The following CDH13 variants were observed in gnomAD, a reference collection of about 807,000 sequenced individuals.
CDH13 encodes the protein cadherin 13.
Under a neutral mutation model 63.8 loss-of-function variants are expected in CDH13, and 24 were observed. That is an observed-to-expected ratio of 0.38 (90% CI 0.27 to 0.53). The LOEUF is 0.53. Among genes scored for constraint, CDH13 ranks in the 20% least tolerant of loss-of-function variants. The pLI, the probability that CDH13 is intolerant of heterozygous loss-of-function variation, is 0.85. For missense variants in CDH13, 1,049 were observed against 903.1 expected (o/e 1.16, Z -2.07); for synonymous variants, 503 against 355.3 (o/e 1.42, Z -4.67).
At chr16:83,474,979 C>T (rs998475702) in intron 6 of CDH13, among the ~76,000 whole-genome samples, 12 of 152,260 alleles carry the variant, frequency 7.9e-5, no homozygotes, top group Non-Finnish European at 1.5e-4. Context: ...TGAGTATAGG[C>T]ACTGAGGCCG....
intron 1 of CDH13, among the ~76,000 whole-genome samples, chr16:82,673,739 C>T (rs1475087774): frequency 2.0e-5 from 3 of 152,148 alleles, no homozygotes; most frequent in South Asian, 2.1e-4. Flanking sequence ...GCAGAGTGTT[C>T]ACATTAGAGT....
chr16:83,432,801 G>A (rs1350817825), intron 6 of CDH13, among the ~76,000 whole-genome samples: 1 of 152,190 alleles, frequency 6.6e-6, no homozygotes, highest in Non-Finnish European at 1.5e-5. Flanking sequence ...TGATCAGGAA[G>A]TGCAAACAGG....
chr16:83,108,060 A>G (rs2034867800), intron 3 of CDH13, among the ~76,000 whole-genome samples: 1 of 152,064 alleles, frequency 6.6e-6, no homozygotes, highest in South Asian at 2.1e-4. Flanking sequence ...TGACCTCGTG[A>G]TCCACCCACC....
chr16:83,442,140 A>T (rs751534143), intron 6 of CDH13, among the ~76,000 whole-genome samples: 10 of 152,210 alleles, frequency 6.6e-5, no homozygotes, highest in Admixed American at 3.3e-4. Context: ...TGCTCCTCCA[A>T]TGCCACCTGC....
chr16:82,939,452 A>AGAGGGAGGGAGAGGGAGAGAGGGAGG (rs2042765547), intron 2 of CDH13, among the ~76,000 whole-genome samples: 1 of 126,776 alleles, frequency 7.9e-6, no homozygotes, highest in Non-Finnish European at 1.6e-5. Context: ...GGAGCAAGGG[A>AGAGGGAGGGAGAGGGAGAGAGGGAGG]GAGGGAGGGA....
chr16:83,677,728 G>C (rs980378015), intron 9 of CDH13, among the ~76,000 whole-genome samples: 1 of 152,108 alleles, frequency 6.6e-6, no homozygotes, highest in African/African-American at 2.4e-5. Context: ...GGGTTATCTT[G>C]CTATAAAGCT....
intron 1 of CDH13, among the ~76,000 whole-genome samples, chr16:82,692,583 G>T (rs1161336195): frequency 6.6e-6 from 1 of 152,194 alleles, no homozygotes; most frequent in East Asian, 1.9e-4. Flanking sequence ...TGACATGTGA[G>T]AATTATGGGA....
At chr16:83,242,024 G>A (rs1052781940) in intron 5 of CDH13, among the ~76,000 whole-genome samples, 9 of 152,150 alleles carry the variant, frequency 5.9e-5, no homozygotes, top group Non-Finnish European at 1.3e-4. Context: ...ACGGCATGAG[G>A]TAAGGGTCTA....
intron 6 of CDH13, among the ~76,000 whole-genome samples, chr16:83,447,205 A>G (rs1177771146): frequency 5.1e-5 from 7 of 138,602 alleles, no homozygotes; most frequent in African/African-American, 1.9e-4. Context: ...ACCTGAGGTC[A>G]GGAGTTCGAG....
chr16:83,416,654 A>G lies in CDH13; in HGVS notation c.782-69823A>G, dbSNP rs140615154. On this transcript the variant is annotated intron_variant, in intron 6 of 13. Coordinates refer to ENST00000567109, the MANE Select transcript of CDH13 (RefSeq NM_001257.5). Reference sequence around the variant, plus strand: ...CCTGAGCATCCAGATTTGAATTTGCATCTTTCTGTGAGCATCTCCAAGTAG... The same window carrying G: ...CCTGAGCATCCAGATTTGAATTTGCGTCTTTCTGTGAGCATCTCCAAGTAG... Among the ~76,000 whole-genome samples the G allele has an allele frequency of 4.1e-3, 632 of 152,342 alleles. 5 individuals carry two copies. Among genetic ancestry groups the G allele is most frequent in the African/African-American group, 0.014 (600 of 41,578 alleles).
chr16:82,717,305 T>C (rs4783258), intron 1 of CDH13, among the ~76,000 whole-genome samples: 3 of 151,704 alleles, frequency 2.0e-5, no homozygotes, highest in African/African-American at 7.3e-5. Flanking sequence ...GTGTGGTGGT[T>C]CGCAGCTGTA....
At chr16:83,074,577 C>A (rs1815000973) in intron 3 of CDH13, among the ~76,000 whole-genome samples, 1 of 152,164 alleles carries the variant, frequency 6.6e-6, no homozygotes, top group Admixed American at 6.6e-5. Context: ...AATATCCATA[C>A]TGTTTTCCAT....
chr16:83,281,773 C>T (rs1010285868), intron 5 of CDH13, among the ~76,000 whole-genome samples: 1 of 151,134 alleles, frequency 6.6e-6, no homozygotes, highest in East Asian at 1.9e-4. Flanking sequence ...CGTAGCCAAG[C>T]GTGGTGGCGC....
chr16:83,137,076 G>A (rs921456680), intron 4 of CDH13, among the ~76,000 whole-genome samples: 1 of 152,246 alleles, frequency 6.6e-6, no homozygotes, highest in East Asian at 1.9e-4. Context: ...GGGGGCACAT[G>A]GGTCCCAGGG....
intron 3 of CDH13, among the ~76,000 whole-genome samples, chr16:83,070,555 A>G (rs547094202): frequency 1.7e-4 from 26 of 152,276 alleles, no homozygotes; most frequent in African/African-American, 5.3e-4. Context: ...TATCTTGGTG[A>G]TAAAAGTTAT....
chr16:83,017,362 T>C (rs1252308277), intron 2 of CDH13, among the ~76,000 whole-genome samples: 1 of 152,224 alleles, frequency 6.6e-6, no homozygotes, highest in African/African-American at 2.4e-5. Context: ...TGACTCCCTG[T>C]TATGTCCTGT....
At position 83,521,685 on chromosome 16, in the gene CDH13, GA is replaced by G. The variant is rs2074841176; in HGVS notation, c.960+35034del. Among the ~76,000 whole-genome samples, 4 of 152,190 alleles carry G rather than the reference GA, an allele frequency of 2.6e-5. No homozygotes were observed. The South Asian group carries it at 8.3e-4, about 32-fold the overall frequency. ...TATATGTAGACACCAGCCACCCCCG[GA>G]AAAGAACATGAGTGGGTAATTCTTC... On this transcript the variant is annotated intron_variant, in intron 7 of 13. Transcript: ENST00000567109.
intron 7 of CDH13, among the ~76,000 whole-genome samples, chr16:83,589,181 C>G (rs978093942): frequency 1.3e-5 from 2 of 152,006 alleles, no homozygotes; most frequent in Non-Finnish European, 2.9e-5. Flanking sequence ...TAGCCTCTTC[C>G]TCCATCTTAA....
At chr16:82,916,381 C>G (rs570825939) in intron 2 of CDH13, among the ~76,000 whole-genome samples, 71 of 152,218 alleles carry the variant, frequency 4.7e-4, no homozygotes, top group Admixed American at 1.4e-3. Flanking sequence ...GGAGACCAGC[C>G]TGGCCAACAT....
Sources: allele counts gnomAD v4.1 joint callset (sites outside exome capture counted in the v4.1 genomes callset), GRCh38; gene constraint gnomAD v4.1.1; transcripts MANE v1.5; gene names NCBI Gene and HGNC (gene_info 2026-07-23, HGNC 2026-07-21).